Variants in ZSWIM5 observed in about 807,000 individuals in gnomAD.
The protein encoded by ZSWIM5 is zinc finger SWIM-type containing 5, also known as zinc finger SWIM domain-containing protein 5.
Under a neutral mutation model 119.6 loss-of-function variants are expected in ZSWIM5, and 55 were observed. That is an observed-to-expected ratio of 0.46 (90% CI 0.37 to 0.58). The LOEUF (loss-of-function observed/expected upper bound fraction) is 0.58, where lower values mean the gene tolerates loss of function less well. ZSWIM5 is among the 20% of genes least tolerant of loss of function. The pLI is 0.00. For missense variants in ZSWIM5, 1,193 were observed against 1,512.8 expected (o/e 0.79, Z 3.51); for synonymous variants, 537 against 606.9 (o/e 0.88, Z 1.69).
intron 2 of ZSWIM5, among the ~76,000 whole-genome samples, chr1:45,074,825 T>TTTC (rs946820705): frequency 6.6e-5 from 10 of 151,928 alleles, no homozygotes; most frequent in Admixed American, 6.5e-4. Flanking sequence ...ATTTGAAGTT[T>TTTC]TTCTTCTTTT....
At chr1:45,106,703 C>T (rs973313410) in intron 1 of ZSWIM5, among the ~76,000 whole-genome samples, 1 of 152,184 alleles carries the variant, frequency 6.6e-6, no homozygotes, top group Non-Finnish European at 1.5e-5. Context: ...GAAGTGTATC[C>T]AACAGCTCCA....
At chr1:45,035,633 GC>G in intron 10 of ZSWIM5, 54 bp downstream of exon 10, 1 of 1,592,626 alleles carries the variant, frequency 6.3e-7, no homozygotes, top group Non-Finnish European at 8.6e-7. Context: ...ATGAAAAAGA[GC>G]ACTGGACACT....
chr1:45,093,399 C>G (rs1420337021), intron 1 of ZSWIM5, among the ~76,000 whole-genome samples: 1 of 152,162 alleles, frequency 6.6e-6, no homozygotes, highest in Non-Finnish European at 1.5e-5. Flanking sequence ...ATTAAAACAA[C>G]TAGAAACTTT....
At chr1:45,144,950 C>T (rs540595988) in intron 1 of ZSWIM5, among the ~76,000 whole-genome samples, 72 of 151,886 alleles carry the variant, frequency 4.7e-4, no homozygotes, top group African/African-American at 1.5e-3. Context: ...GGATAGAAAA[C>T]GAACTCTAAA....
chr1:45,176,423 C>T (rs1008011419), intron 1 of ZSWIM5, among the ~76,000 whole-genome samples: 15 of 151,994 alleles, frequency 9.9e-5, no homozygotes, highest in Middle Eastern at 3.4e-3. Flanking sequence ...GCCACCACAC[C>T]GAGCTAATTT....
In ZSWIM5 at chr1:45,088,396, C is replaced by T. The variant is rs187835016; in HGVS notation, c.596-159G>A. 6.6e-6 allele frequency among the ~76,000 whole-genome samples: 1 copy of T among 152,324 alleles called. No homozygotes were observed. Among genetic ancestry groups the T allele is most frequent in the East Asian group, 1.9e-4 (1 of 5,188 alleles). On this transcript the variant is annotated intron_variant, in intron 1 of 13. Coordinates refer to ENST00000359600, the MANE Select transcript of ZSWIM5 (RefSeq NM_020883.2). The surrounding 1 kb of genome is among the most constrained non-coding windows in gnomAD (Gnocchi z 4.2). ...CACAGACACAGAGGTCAATGAAATTCAGTTACTGCTCTGAAGAAACACACA... is the reference window on the plus strand; with the variant it reads ...CACAGACACAGAGGTCAATGAAATTTAGTTACTGCTCTGAAGAAACACACA...
At chr1:45,035,896 T>G in intron 9 of ZSWIM5, 73 bp from the exon 10 acceptor site, 1 of 1,591,062 alleles carries the variant, frequency 6.3e-7, no homozygotes, top group Non-Finnish European at 8.6e-7. Context: ...AGCCCCAGTA[T>G]CTCATGCATG....
At chr1:45,028,990 AAC>A (rs1375912512) in intron 11 of ZSWIM5, among the ~76,000 whole-genome samples, 1 of 152,200 alleles carries the variant, frequency 6.6e-6, no homozygotes, top group Non-Finnish European at 1.5e-5. Flanking sequence ...TGAAGAATAG[AAC>A]AGAGATGTTT....
intron 1 of ZSWIM5, among the ~76,000 whole-genome samples, chr1:45,178,582 A>G (rs1645995189): frequency 6.6e-6 from 1 of 152,122 alleles, no homozygotes; most frequent in Non-Finnish European, 1.5e-5. Flanking sequence ...ATTACTATAT[A>G]TTTGACCATT....
At chr1:45,125,603 G>T (rs1263011460) in intron 1 of ZSWIM5, among the ~76,000 whole-genome samples, 3 of 151,916 alleles carry the variant, frequency 2.0e-5, no homozygotes, top group Non-Finnish European at 4.4e-5. Context: ...GTGAAACCCT[G>T]TCTCTACTAA....
Position 45,020,109 on chromosome 1 carries a change from G to A in ZSWIM5, c.2652C>T (p.Arg884=). 4 of 1,614,114 alleles carry A rather than the reference G, an allele frequency of 2.5e-6. No homozygotes were observed. Among genetic ancestry groups the A allele is most frequent in the Non-Finnish European group, 3.4e-6 (4 of 1,180,008 alleles). The change falls in exon 13 of 14, where the codon CGC becomes CGT. Residue 884 remains arginine (R), a synonymous_variant. Transcript: ENST00000359600. ...RMTLSTLNWR[R]REMVRWLVTC... is the part of the protein sequence containing the mutation. ...TCACCAACCATCGTACCATCTCCCTGCGTCTCCAGTTAAGGGTTGATAAGG... is the reference window on the plus strand; with the variant it reads ...TCACCAACCATCGTACCATCTCCCTACGTCTCCAGTTAAGGGTTGATAAGG...
intron 1 of ZSWIM5, among the ~76,000 whole-genome samples, chr1:45,190,386 A>G (rs1646084356): frequency 6.6e-6 from 1 of 152,156 alleles, no homozygotes; most frequent in Admixed American, 6.5e-5. Context: ...GATTCTGGCT[A>G]AGAATCCATA....
rs1466326791 is a variant in ZSWIM5, at chr1:45,088,478, GAA to G, written c.596-243_596-242del. 6.6e-6 allele frequency among the ~76,000 whole-genome samples: 1 copy of G among 152,154 alleles called. No individual in the cohort carries two copies. Among genetic ancestry groups the G allele is most frequent in the Admixed American group, 6.6e-5 (1 of 15,258 alleles). ...GAACCTCCTGAACTCACACTGATAT[GAA>G]AACTTTAGTTTGTACGTGTATACAT... On this transcript the variant is annotated intron_variant, in intron 1 of 13. Transcript: ENST00000359600. The surrounding 1 kb of genome is among the most constrained non-coding windows in gnomAD (Gnocchi z 4.2).
intron 1 of ZSWIM5, among the ~76,000 whole-genome samples, chr1:45,122,892 G>A (rs1455174464): frequency 1.3e-5 from 2 of 152,128 alleles, no homozygotes; most frequent in East Asian, 1.9e-4. Context: ...TGCCCCCTAT[G>A]TCCTCCTCTC....
chr1:45,056,064 A>G (rs886573494), intron 4 of ZSWIM5, among the ~76,000 whole-genome samples: 2 of 152,238 alleles, frequency 1.3e-5, no homozygotes, highest in Non-Finnish European at 2.9e-5. Flanking sequence ...TGTATTTAGC[A>G]ATATGGAAAT....
intron 1 of ZSWIM5, among the ~76,000 whole-genome samples, chr1:45,196,682 G>A (rs897788792): frequency 6.6e-6 from 1 of 151,428 alleles, no homozygotes; most frequent in African/African-American, 2.4e-5. Context: ...GAGCCACCAC[G>A]CCCGGCTGAA....
chr1:45,053,655 C>T (rs770377654), intron 4 of ZSWIM5, among the ~76,000 whole-genome samples: 2 of 148,476 alleles, frequency 1.3e-5, no homozygotes, highest in Non-Finnish European at 3.0e-5. Context: ...CCCAGTTACT[C>T]AGGTGGCCAA....
At chr1:45,196,837 C>T (rs991691574) in intron 1 of ZSWIM5, among the ~76,000 whole-genome samples, 1 of 152,088 alleles carries the variant, frequency 6.6e-6, no homozygotes, top group Non-Finnish European at 1.5e-5. Context: ...TTCCATCACC[C>T]AGAAGTTTTC....
At chr1:45,049,706 C>T (rs1440649754) in intron 5 of ZSWIM5, among the ~76,000 whole-genome samples, 6 of 151,982 alleles carry the variant, frequency 3.9e-5, no homozygotes, top group Non-Finnish European at 7.4e-5. Context: ...CCCAACTACT[C>T]GGGAAGCTGA....
Sources: gnomAD v4.1 joint callset for allele counts (sites outside exome capture counted in the v4.1 genomes callset) on GRCh38, gnomAD v4.1.1 for gene constraint, Gnocchi (gnomAD v3.1) non-coding constraint, MANE v1.5 for transcripts, NCBI Gene and HGNC (gene_info 2026-07-23, HGNC 2026-07-21) for gene names.